Variants in AP3B1 observed in about 807,000 individuals in gnomAD.
The protein encoded by AP3B1 is AP-3 complex subunit beta-1.
AP3B1 carries 61 observed loss-of-function variants against 132.5 expected under a neutral mutation model. The ratio of observed to expected loss-of-function variants is 0.46; its 90% CI spans 0.37 to 0.57. AP3B1 has a LOEUF of 0.57. Among genes scored for constraint, AP3B1 ranks in the 20% least tolerant of loss-of-function variants. The pLI, the probability that AP3B1 is intolerant of heterozygous loss-of-function variation, is 0.00. For synonymous variants in AP3B1, 388 were observed against 438.3 expected (o/e 0.89, Z 1.43); for missense variants, 1,120 against 1,289.4 (o/e 0.87, Z 2.01).
At chr5:78,226,571 C>T (rs897418892) in intron 5 of AP3B1, among the ~76,000 whole-genome samples, 2 of 151,928 alleles carry the variant, frequency 1.3e-5, no homozygotes, top group Non-Finnish European at 2.9e-5. Flanking sequence ...TTATAGATTG[C>T]CTTTAATTAT....
At position 78,062,985 on chromosome 5, in the gene AP3B1, G is replaced by A. The variant is rs995607690; in HGVS notation, c.2578-23711C>T. 4.6e-5 allele frequency among the ~76,000 whole-genome samples: 7 copies of A among 152,236 alleles called. No individual in the cohort carries two copies. In the East Asian group the frequency reaches 5.8e-4, roughly 13 times the overall value. On this transcript the variant is annotated intron_variant, in intron 22 of 26. Coordinates refer to ENST00000255194, the MANE Select transcript of AP3B1 (RefSeq NM_003664.5). ...GTTCAATTTCCCTGAAATGTCTCTC[G>A]GTTCTCTATGAGCTAATTATGAATG...
At chr5:78,006,638 C>T (rs1053332408) in intron 26 of AP3B1, among the ~76,000 whole-genome samples, 14 of 152,116 alleles carry the variant, frequency 9.2e-5, no homozygotes, top group African/African-American at 3.4e-4. Context: ...CAATCAACCT[C>T]GAAAAGCAGT....
chr5:78,039,910 T>G (rs1467014418), intron 22 of AP3B1, among the ~76,000 whole-genome samples: 1 of 151,774 alleles, frequency 6.6e-6, no homozygotes, highest in Non-Finnish European at 1.5e-5. Flanking sequence ...ACTTTTTTGT[T>G]AGTTTTTTTC....
intron 15 of AP3B1, among the ~76,000 whole-genome samples, chr5:78,136,379 A>C (rs1185979029): frequency 6.6e-6 from 1 of 152,164 alleles, no homozygotes; most frequent in Non-Finnish European, 1.5e-5. Flanking sequence ...TTAGGGAACA[A>C]TTTGGGCATA....
intron 24 of AP3B1, among the ~76,000 whole-genome samples, chr5:78,025,815 C>T (rs1187083626): frequency 6.6e-6 from 1 of 152,228 alleles, no homozygotes; most frequent in Non-Finnish European, 1.5e-5. Context: ...GGTCATGCCA[C>T]TGCAGTTGGG....
Position 78,175,619 on chromosome 5 carries a change from T to C in AP3B1, c.1167+7A>G. 4 of 1,610,038 alleles carry C rather than the reference T, an allele frequency of 2.5e-6. No homozygotes were observed. Among genetic ancestry groups the C allele is most frequent in the Non-Finnish European group, 3.4e-6 (4 of 1,176,744 alleles). ...TAAAAGCCTCTGAAAAATGAAAGCA[T>C]ACATACCTTCAGTGTCTTGATCATA... On this transcript the variant is annotated splice_region_variant and intron_variant, in intron 11 of 26. Coordinates refer to ENST00000255194, the MANE Select transcript of AP3B1 (RefSeq NM_003664.5).
intron 21 of AP3B1, among the ~76,000 whole-genome samples, chr5:78,092,100 T>C (rs960491094): frequency 6.6e-6 from 1 of 152,242 alleles, no homozygotes; most frequent in Admixed American, 6.5e-5. Context: ...TCTAAATGCA[T>C]GTTTATTCAT....
intron 22 of AP3B1, among the ~76,000 whole-genome samples, chr5:78,073,836 T>C (rs1561388483): frequency 6.6e-6 from 1 of 152,176 alleles, no homozygotes; most frequent in Non-Finnish European, 1.5e-5. Flanking sequence ...GCAGAACTAC[T>C]TACCACAAAG....
intron 17 of AP3B1, among the ~76,000 whole-genome samples, chr5:78,124,237 T>C (rs1752364908): frequency 6.6e-6 from 1 of 152,160 alleles, no homozygotes; most frequent in African/African-American, 2.4e-5. Context: ...TTTGGAGATA[T>C]ACCTAATGCT....
At chr5:78,175,178 G>A (rs918782059) in intron 11 of AP3B1, among the ~76,000 whole-genome samples, 1 of 152,182 alleles carries the variant, frequency 6.6e-6, no homozygotes, top group Admixed American at 6.5e-5. Context: ...GTGCTTCCTG[G>A]GTGAGGCAAC....
chr5:78,266,645 C>A (rs1398831613), intron 2 of AP3B1, among the ~76,000 whole-genome samples: 1 of 151,988 alleles, frequency 6.6e-6, no homozygotes, highest in African/African-American at 2.4e-5. Flanking sequence ...TCAATTTTGA[C>A]CTTATTATAT....
At chr5:78,202,300 G>GAAAT (rs1745324571) in intron 7 of AP3B1, among the ~76,000 whole-genome samples, 1 of 152,020 alleles carries the variant, frequency 6.6e-6, no homozygotes, top group Admixed American at 6.6e-5. Flanking sequence ...CATGAAAATG[G>GAAAT]ACTAATACAC....
At chr5:78,139,698 T>C (rs1256263988) in intron 15 of AP3B1, among the ~76,000 whole-genome samples, 1 of 152,034 alleles carries the variant, frequency 6.6e-6, no homozygotes, top group African/African-American at 2.4e-5. Flanking sequence ...AAGGCAAACA[T>C]TAGTTTACTA....
At chr5:78,097,358 C>T (rs1233522457) in intron 21 of AP3B1, among the ~76,000 whole-genome samples, 3 of 134,298 alleles carry the variant, frequency 2.2e-5, no homozygotes, top group Admixed American at 7.1e-5. Flanking sequence ...CCTGCCCGGC[C>T]AGCCGCCCTG....
chr5:78,175,562 G>T, intron 11 of AP3B1, 64 bp downstream of exon 11: 1 of 1,306,198 alleles, frequency 7.7e-7, no homozygotes, highest in Non-Finnish European at 1.1e-6. Context: ...GGTGCTAAAA[G>T]CTATAGAAAT....
intron 15 of AP3B1, among the ~76,000 whole-genome samples, chr5:78,132,982 A>G (rs1311952590): frequency 6.6e-6 from 1 of 152,220 alleles, no homozygotes; most frequent in African/African-American, 2.4e-5. Flanking sequence ...CTGTAGCAAG[A>G]GTGCTTTCAC....
intron 11 of AP3B1, among the ~76,000 whole-genome samples, chr5:78,169,478 A>AG (rs1743810102): frequency 6.6e-6 from 1 of 152,188 alleles, no homozygotes; most frequent in Non-Finnish European, 1.5e-5. Flanking sequence ...CTCAGGCTGG[A>AG]GTGCAGTGGC....
At chr5:78,132,114 G>A (rs1580388357) in intron 15 of AP3B1, among the ~76,000 whole-genome samples, 4 of 152,124 alleles carry the variant, frequency 2.6e-5, no homozygotes, top group East Asian at 1.9e-4. Flanking sequence ...TTTATAGTTC[G>A]GTCAAACTGT....
chr5:78,034,262 T>C, intron 24 of AP3B1, 99 bp downstream of exon 24: 1 of 902,398 alleles, frequency 1.1e-6, no homozygotes, highest in Non-Finnish European at 1.8e-6. Context: ...TGTTTAAATG[T>C]TTTGTCTTTC....
Sources: allele counts gnomAD v4.1 joint callset (sites outside exome capture counted in the v4.1 genomes callset), GRCh38; gene constraint gnomAD v4.1.1; transcripts MANE v1.5; gene names NCBI Gene and HGNC (gene_info 2026-07-23, HGNC 2026-07-21).